WDTC1: variants seen among roughly 807,000 people sequenced by gnomAD.
WDTC1 encodes the protein WD and tetratricopeptide repeats 1, also known as WD and tetratricopeptide repeats protein 1.
Under a neutral mutation model 76.0 loss-of-function variants are expected in WDTC1, and 12 were observed. The observed-to-expected ratio is 0.16, with a 90% CI of 0.10 to 0.26. The LOEUF (loss-of-function observed/expected upper bound fraction) is 0.26. WDTC1 is among the 10% of genes least tolerant of loss of function. The probability of loss-of-function intolerance (pLI) is 1.00; values close to 1 mark genes in which losing one functional copy is unlikely to be tolerated. For synonymous variants in WDTC1, 326 were observed against 350.8 expected (o/e 0.93, Z 0.79); for missense variants, 511 against 908.8 (o/e 0.56, Z 5.63).
At chr1:27,249,155 G>A (rs754651572) in intron 1 of WDTC1, among the ~76,000 whole-genome samples, 2 of 151,736 alleles carry the variant, frequency 1.3e-5, no homozygotes, top group Non-Finnish European at 2.9e-5. Context: ...TGTAATCCCA[G>A]CTACTCCGGA....
chr1:27,257,296 G>A (rs938918693), intron 1 of WDTC1, among the ~76,000 whole-genome samples: 4 of 152,130 alleles, frequency 2.6e-5, no homozygotes, highest in Non-Finnish European at 5.9e-5. Context: ...CCTTTTTCGG[G>A]TGAAGCGTAC....
chr1:27,261,829 A>G (rs1041950976), intron 2 of WDTC1, among the ~76,000 whole-genome samples: 14 of 152,180 alleles, frequency 9.2e-5, no homozygotes, highest in African/African-American at 3.1e-4. Context: ...AAATGATGAT[A>G]ATGGCCATCT....
chr1:27,290,073 G>T (rs932337338), intron 6 of WDTC1, among the ~76,000 whole-genome samples: 10 of 151,724 alleles, frequency 6.6e-5, no homozygotes, highest in African/African-American at 2.2e-4. Flanking sequence ...AGAGGGAGAG[G>T]GAGCTAATTA....
At position 27,262,236 on chromosome 1, in the gene WDTC1, T is replaced by A. The variant is rs181539029; in HGVS notation, c.49-916T>A. 6.6e-3 allele frequency among the ~76,000 whole-genome samples: 992 copies of A among 150,900 alleles called. 6 individuals are homozygous for A. Among genetic ancestry groups the A allele is most frequent in the Middle Eastern group, 0.014 (4 of 280 alleles). On this transcript the variant is annotated intron_variant, in intron 2 of 15. Transcript: ENST00000319394. The stretch of plus-strand genomic sequence containing the variant: ...AGCCACCATGCCTGACCTAAAAAAA[T>A]TTTTAACTAAAAATTTTTAAAAAAT...
intron 1 of WDTC1, among the ~76,000 whole-genome samples, chr1:27,244,999 C>T (rs61789301): frequency 0.01 from 1,547 of 151,820 alleles, 12 homozygotes; most frequent in Non-Finnish European, 0.015. Flanking sequence ...ATTTTACAAA[C>T]GGCAGAATAG....
chr1:27,296,382 A>G lies in WDTC1; in HGVS notation c.930A>G (p.Arg310=). 6.2e-7 allele frequency: 1 copy of G among 1,614,074 alleles called. No individual in the cohort carries two copies. The highest frequency in any genetic ancestry group is 8.5e-7 in the Non-Finnish European group (1 of 1,180,006). The change falls in exon 10 of 16, where the codon AGA becomes AGG. Residue 310 remains arginine, a synonymous_variant. Coordinates refer to ENST00000319394, the MANE Select transcript of WDTC1 (RefSeq NM_001276252.2). ...GGCCGTACACCTTCCTCTTGCCTAG[A>G]AAATGCCACTCCTCGGGGGGTAAGT... is the stretch of plus-strand genomic sequence containing the variant. ...KQRPYTFLLP[R]KCHSSGEVQN... is the part of the protein sequence containing the mutation.
At chr1:27,271,762 C>T (rs1379659328) in intron 3 of WDTC1, among the ~76,000 whole-genome samples, 1 of 151,148 alleles carries the variant, frequency 6.6e-6, no homozygotes, top group Non-Finnish European at 1.5e-5. Context: ...CTCAGCCTCC[C>T]GAGCAGCTGG....
intron 3 of WDTC1, 110 bp downstream of exon 3, chr1:27,263,345 A>G (rs2012546063): frequency 1.0e-6 from 1 of 971,246 alleles, no homozygotes; most frequent in Non-Finnish European, 1.5e-6. Flanking sequence ...TCTGCAGGCC[A>G]TATCTGACAG....
At chr1:27,297,615 G>A (rs1474724301) in intron 11 of WDTC1, among the ~76,000 whole-genome samples, 6 of 152,222 alleles carry the variant, frequency 3.9e-5, no homozygotes, top group Non-Finnish European at 7.3e-5. Context: ...AGGGACTCGG[G>A]TGGTCATAAG....
rs376938632 is a variant in WDTC1 at position 27,268,855 on chromosome 1, C to T, written c.132+5620C>T. Among the ~76,000 whole-genome samples the T allele has an allele frequency of 1.8e-3, 273 of 151,728 alleles. 2 individuals are homozygous for T. Among genetic ancestry groups the T allele is most frequent in the African/African-American group, 6.4e-3 (265 of 41,380 alleles). ...TCAGCCTCCCAAGTAGCTGGGACTA[C>T]AGGTGCACGCCACCACACCCAGCTA... On this transcript the variant is annotated intron_variant, in intron 3 of 15. Coordinates refer to ENST00000319394, the MANE Select transcript of WDTC1 (RefSeq NM_001276252.2).
chr1:27,296,598 C>A (rs1315095855), intron 10 of WDTC1, among the ~76,000 whole-genome samples, 197 bp downstream of exon 10: 1 of 152,186 alleles, frequency 6.6e-6, no homozygotes, highest in Non-Finnish European at 1.5e-5. Context: ...TGCATCACTG[C>A]CCTTTTTGCT....
intron 3 of WDTC1, among the ~76,000 whole-genome samples, chr1:27,277,755 T>A (rs1474214581): frequency 6.6e-6 from 1 of 152,246 alleles, no homozygotes; most frequent in African/African-American, 2.4e-5. Context: ...TTGGGAAGTA[T>A]GAGTCTTTCA....
At chr1:27,248,846 C>A (rs1411957958) in intron 1 of WDTC1, among the ~76,000 whole-genome samples, 2 of 152,038 alleles carry the variant, frequency 1.3e-5, no homozygotes, top group Non-Finnish European at 2.9e-5. Flanking sequence ...TTTTTAGAGA[C>A]AGGGTTTCAC....
chr1:27,238,772 C>A (rs1349693711), intron 1 of WDTC1, among the ~76,000 whole-genome samples: 2 of 152,086 alleles, frequency 1.3e-5, no homozygotes, highest in African/African-American at 4.8e-5. Flanking sequence ...ACCATGTTGA[C>A]CAGACTGGTC....
chr1:27,251,152 A>G lies in WDTC1; in HGVS notation c.-99-9804A>G, dbSNP rs571247876. 4.8e-5 allele frequency among the ~76,000 whole-genome samples: 7 copies of G among 145,728 alleles called. No individual in the cohort carries two copies. The East Asian group carries it at 1.4e-3, about 30-fold the overall frequency. On this transcript the variant is annotated intron_variant, in intron 1 of 15. Transcript: ENST00000319394. ...GTGATCTGCCCACCTTGGCCTCCCA[A>G]AATGCTGGGATTACAGGTGTGAGCG...
intron 3 of WDTC1, among the ~76,000 whole-genome samples, chr1:27,269,621 G>GTTTTT (rs538857228): frequency 5.5e-5 from 7 of 126,850 alleles, no homozygotes; most frequent in Admixed American, 9.4e-5. Flanking sequence ...TTTTTTTTCG[G>GTTTTT]TTTTTTTTTT....
chr1:27,253,358 TTTC>T (rs1213671215), intron 1 of WDTC1, among the ~76,000 whole-genome samples: 70 of 149,044 alleles, frequency 4.7e-4, no homozygotes, highest in East Asian at 2.0e-3. Flanking sequence ...TTCTTTCTTC[TTTC>T]TTCTTCTTCT....
chr1:27,301,397 C>A lies in WDTC1; in HGVS notation c.1404C>A (p.His468Gln). 1 of 1,614,188 alleles carries A rather than the reference C, an allele frequency of 6.2e-7. No homozygotes were observed. ...DFKGKFPEQA[H>Q]SSACDALGRD... is the part of the protein sequence containing the mutation. ...AAGGGAAATTTCCGGAGCAGGCCCA[C>A]AGCAGCGCTTGTGATGCATTGGGCC... Residue 468 changes from histidine (H) to glutamine (Q), a missense_variant, in exon 13 of 16, where the codon CAC (histidine) becomes CAA (glutamine). Transcript: ENST00000319394. The surrounding 1 kb of genome is among the most constrained non-coding windows in gnomAD (Gnocchi z 5.8).
intron 1 of WDTC1, among the ~76,000 whole-genome samples, chr1:27,235,366 CTCTCTT>C (rs2011472419): frequency 6.6e-6 from 1 of 150,736 alleles, no homozygotes; most frequent in Admixed American, 6.7e-5. Flanking sequence ...TTCTCGCTCT[CTCTCTT>C]TCTGTTTTTC....
Sources: gnomAD v4.1 joint callset for allele counts (sites outside exome capture counted in the v4.1 genomes callset) on GRCh38, gnomAD v4.1.1 for gene constraint, Gnocchi (gnomAD v3.1) non-coding constraint, MANE v1.5 for transcripts, NCBI Gene and HGNC (gene_info 2026-07-23, HGNC 2026-07-21) for gene names.